The following CELF2 variants were observed in gnomAD, a reference collection of about 807,000 sequenced individuals.
The protein encoded by CELF2 is CUGBP Elav-like family member 2, also known as CUG triplet repeat RNA-binding protein 2.
A neutral mutation model predicts 62.6 loss-of-function variants in CELF2; 8 were observed. The ratio of observed to expected loss-of-function variants is 0.13; its 90% CI spans 0.07 to 0.23. The LOEUF is 0.23. Among genes scored for constraint, CELF2 ranks in the 10% least tolerant of loss-of-function variants. CELF2 has a pLI of 1.00. For missense variants in CELF2, 333 were observed against 671.0 expected, an observed-to-expected ratio of 0.50 and a Z score of 5.56; for synonymous variants, 258 against 250.0, an observed-to-expected ratio of 1.03 and a Z score of -0.30.
chr10:10,576,067 C>A, the CELF2 span, among the ~76,000 whole-genome samples: 1 of 152,198 alleles, frequency 6.6e-6, no homozygotes, highest in East Asian at 1.9e-4. Flanking sequence ...TAAGGCAGAA[C>A]ATTTCAGGCA....
At chr10:10,517,266 G>C in the CELF2 span, among the ~76,000 whole-genome samples, 2 of 152,076 alleles carry the variant, frequency 1.3e-5, no homozygotes, top group South Asian at 4.2e-4. Context: ...GGCTGAGGGG[G>C]AACTGGCCTG....
chr10:10,825,747 C>T (rs1474981283), intron 1 of CELF2, among the ~76,000 whole-genome samples: 1 of 152,146 alleles, frequency 6.6e-6, no homozygotes, highest in East Asian at 1.9e-4. Context: ...GCTGTGTCCC[C>T]ACCTGCCTAG....
chr10:10,715,232 G>T, the CELF2 span, among the ~76,000 whole-genome samples: 1 of 152,134 alleles, frequency 6.6e-6, no homozygotes, highest in African/African-American at 2.4e-5. Context: ...TTAGTCAAAG[G>T]CTATGAAGGA....
the CELF2 span, among the ~76,000 whole-genome samples, chr10:10,754,129 T>A: frequency 7.1e-6 from 1 of 140,716 alleles, no homozygotes; most frequent in Non-Finnish European, 1.5e-5. Flanking sequence ...ACTTAAGCAA[T>A]GAAGCAGAGC....
rs1218990501 is a variant in CELF2, at chr10:11,305,977, G to A, written c.977-8162G>A. ...CACAGACTTTGTCTGCACATGAGCT[G>A]ATAAAACCATGGCCATCCTTGCCTG... is the stretch of plus-strand genomic sequence containing the variant. On this transcript the variant is annotated intron_variant, in intron 9 of 12. Transcript: ENST00000633077. The surrounding 1 kb of genome is among the most constrained non-coding windows in gnomAD (Gnocchi z 4.8). 1.3e-5 allele frequency among the ~76,000 whole-genome samples: 2 copies of A among 152,200 alleles called. No individual in the cohort carries two copies. Among genetic ancestry groups the A allele is most frequent in the South Asian group, 2.1e-4 (1 of 4,834 alleles).
chr10:10,532,062 G>C, the CELF2 span, among the ~76,000 whole-genome samples: 1 of 152,228 alleles, frequency 6.6e-6, no homozygotes, highest in Non-Finnish European at 1.5e-5. Flanking sequence ...TAAGCCTCAA[G>C]TATTCCATAT....
At chr10:11,222,869 T>C (rs1280321042) in intron 3 of CELF2, among the ~76,000 whole-genome samples, 1 of 152,210 alleles carries the variant, frequency 6.6e-6, no homozygotes, top group African/African-American at 2.4e-5. Flanking sequence ...TGTATGTGTG[T>C]TTAGTGATAC....
chr10:11,203,197 C>T (rs1049536893), intron 2 of CELF2, among the ~76,000 whole-genome samples: 3 of 152,062 alleles, frequency 2.0e-5, no homozygotes, highest in Non-Finnish European at 2.9e-5. Context: ...TGATGGGCGG[C>T]GTGCTCTTCC....
At chr10:10,926,488 A>G (rs1195293120) in intron 2 of CELF2, among the ~76,000 whole-genome samples, 1 of 152,194 alleles carries the variant, frequency 6.6e-6, no homozygotes, top group Non-Finnish European at 1.5e-5. Flanking sequence ...GTTCTTTGTC[A>G]ATTACTCAGT....
intron 1 of CELF2, among the ~76,000 whole-genome samples, chr10:11,081,360 G>T (rs1316782250): frequency 6.6e-6 from 1 of 152,144 alleles, no homozygotes; most frequent in Admixed American, 6.5e-5. Context: ...AATTGAAAGG[G>T]TGCTTCTTGA....
rs1003149930 is a variant in CELF2 at position 10,997,602 on chromosome 10, T to G, written c.89+77603T>G. Among the ~76,000 whole-genome samples, 1 of 152,254 alleles carries G rather than the reference T, an allele frequency of 6.6e-6. No homozygotes were observed. The highest frequency in any genetic ancestry group is 1.5e-5 in the Non-Finnish European group (1 of 68,046). On this transcript the variant is annotated intron_variant, in intron 2 of 13. Coordinates refer to the CELF2 transcript ENST00000636488. The surrounding 1 kb of genome is among the most constrained non-coding windows in gnomAD (Gnocchi z 5.3). ...TAATGGTCGAGTAACGTAGTTTCTCTGACCTGGCACTTTGAGCAGGAAGAA... is the reference window on the plus strand; with the variant it reads ...TAATGGTCGAGTAACGTAGTTTCTCGGACCTGGCACTTTGAGCAGGAAGAA...
At chr10:10,791,264 A>G in the CELF2 span, among the ~76,000 whole-genome samples, 1 of 151,930 alleles carries the variant, frequency 6.6e-6, no homozygotes, top group Non-Finnish European at 1.5e-5. Flanking sequence ...AGATTTTTAT[A>G]GATTGAGTGT....
At chr10:10,572,981 T>C in the CELF2 span, among the ~76,000 whole-genome samples, 1 of 152,188 alleles carries the variant, frequency 6.6e-6, no homozygotes, top group Non-Finnish European at 1.5e-5. Context: ...CCACCAGCAG[T>C]GTAAAAGCAT....
In CELF2 at chr10:11,247,124, G is replaced by A. The variant is rs1440392567; in HGVS notation, c.355-2029G>A. ...TCCTCCCTGCCTGTGTCTCTCGTCT[G>A]TAATCCACCCTCCACACGGCAGCCA... On this transcript the variant is annotated intron_variant, in intron 3 of 12. Coordinates refer to ENST00000633077, the MANE Select transcript of CELF2 (RefSeq NM_001326342.2). The surrounding 1 kb of genome is among the most constrained non-coding windows in gnomAD (Gnocchi z 5.4). Among the ~76,000 whole-genome samples the A allele has an allele frequency of 2.0e-5, 3 of 152,226 alleles. No homozygotes were observed. The highest frequency in any genetic ancestry group is 4.4e-5 in the Non-Finnish European group (3 of 68,038).
chr10:10,694,559 G>A, the CELF2 span, among the ~76,000 whole-genome samples: 1 of 151,894 alleles, frequency 6.6e-6, no homozygotes, highest in African/African-American at 2.4e-5. Context: ...TCAATTCCTG[G>A]GTATCCTTGC....
At chr10:11,119,883 C>T (rs2057386235) in intron 1 of CELF2, among the ~76,000 whole-genome samples, 2 of 147,064 alleles carry the variant, frequency 1.4e-5, no homozygotes, top group Non-Finnish European at 3.0e-5. Context: ...CCGGCCCCCG[C>T]TTTTTTGTTT....
At chr10:10,954,420 A>AT (rs904024682) in intron 2 of CELF2, among the ~76,000 whole-genome samples, 16 of 151,586 alleles carry the variant, frequency 1.1e-4, no homozygotes, top group Non-Finnish European at 1.9e-4. Flanking sequence ...TAATTTTTGT[A>AT]TTTTTTTAGT....
chr10:11,258,760 C>T (rs1365556292), intron 5 of CELF2, among the ~76,000 whole-genome samples: 1 of 152,208 alleles, frequency 6.6e-6, no homozygotes, highest in Non-Finnish European at 1.5e-5. Flanking sequence ...GATCTCAGCT[C>T]ACTGCAGCCT....
At chr10:11,189,613 G>A (rs1360584305) in intron 2 of CELF2, among the ~76,000 whole-genome samples, 1 of 152,180 alleles carries the variant, frequency 6.6e-6, no homozygotes, top group South Asian at 2.1e-4. Flanking sequence ...AGCTCAGGGA[G>A]TATACTGGGT....
Sources: gnomAD v4.1 joint callset for allele counts (sites outside exome capture counted in the v4.1 genomes callset) on GRCh38, gnomAD v4.1.1 for gene constraint, Gnocchi (gnomAD v3.1) non-coding constraint, MANE v1.5 for transcripts, NCBI Gene and HGNC (gene_info 2026-07-23, HGNC 2026-07-21) for gene names.